CSMD1: variants seen among roughly 807,000 people sequenced by gnomAD.
CSMD1 encodes CUB and Sushi multiple domains 1.
In CSMD1, 213 loss-of-function variants were observed where a neutral mutation model predicts 417.5. The observed-to-expected ratio is 0.51, with a 90% CI of 0.46 to 0.57. The LOEUF (loss-of-function observed/expected upper bound fraction) is 0.57, where lower values mean the gene tolerates loss of function less well. Among genes scored for constraint, CSMD1 ranks in the 20% least tolerant of loss-of-function variants. The pLI, the probability that CSMD1 is intolerant of heterozygous loss-of-function variation, is 0.00. For missense variants in CSMD1, 6,923 were observed against 4,529.7 expected (o/e 1.53, Z -15.17); for synonymous variants, 2,862 against 1,736.8 (o/e 1.65, Z -16.11).
At chr8:4,206,712 G>A (rs1176453630) in intron 3 of CSMD1, among the ~76,000 whole-genome samples, 7 of 152,258 alleles carry the variant, frequency 4.6e-5, no homozygotes, top group Admixed American at 3.3e-4. Context: ...TAATGGGATG[G>A]CTGGGTCAAA....
intron 6 of CSMD1, among the ~76,000 whole-genome samples, chr8:3,737,614 A>T (rs892830971): frequency 3.3e-5 from 5 of 152,124 alleles, no homozygotes; most frequent in Admixed American, 1.3e-4. Flanking sequence ...TCACCCTCTC[A>T]GTTACTAAGC....
chr8:3,694,249 C>CATGT (rs1800422195), intron 7 of CSMD1, among the ~76,000 whole-genome samples: 1 of 152,008 alleles, frequency 6.6e-6, no homozygotes, highest in Non-Finnish European at 1.5e-5. Flanking sequence ...GTCATGGAGT[C>CATGT]CAGGAAGAGC....
chr8:3,911,539 A>C lies in CSMD1; in HGVS notation c.818+86364T>G, dbSNP rs554811241. On this transcript the variant is annotated intron_variant, in intron 5 of 69. Coordinates refer to ENST00000635120, the MANE Select transcript of CSMD1 (RefSeq NM_033225.6). ...CAAGACTCCGTCTCAAAATAAAAAAAAAAAAAAAAGAAGAAGAAGAAAACG... is the reference window on the plus strand; with the variant it reads ...CAAGACTCCGTCTCAAAATAAAAAACAAAAAAAAAGAAGAAGAAGAAAACG... Among the ~76,000 whole-genome samples, 4 of 151,786 alleles carry C rather than the reference A, an allele frequency of 2.6e-5. No homozygotes were observed. The East Asian group carries it at 5.8e-4, about 22-fold the overall frequency.
At chr8:4,484,002 C>G (rs368664427) in intron 2 of CSMD1, among the ~76,000 whole-genome samples, 3 of 152,070 alleles carry the variant, frequency 2.0e-5, no homozygotes, top group African/African-American at 4.8e-5. Context: ...GGAGAAACAT[C>G]CCATTGCCTG....
chr8:4,564,423 A>G (rs1798493667), intron 2 of CSMD1, among the ~76,000 whole-genome samples: 1 of 152,196 alleles, frequency 6.6e-6, no homozygotes, highest in Non-Finnish European at 1.5e-5. Flanking sequence ...TGGAAATTCA[A>G]GATCAAGGTG....
chr8:4,135,765 G>C (rs902366850), intron 3 of CSMD1, among the ~76,000 whole-genome samples: 1 of 152,070 alleles, frequency 6.6e-6, no homozygotes, highest in Non-Finnish European at 1.5e-5. Flanking sequence ...AAACTAGAAA[G>C]AGAAACTGAT....
intron 1 of CSMD1, among the ~76,000 whole-genome samples, chr8:4,810,587 C>A (rs908841417): frequency 6.6e-6 from 1 of 152,026 alleles, no homozygotes. Flanking sequence ...GGCTGTGTGT[C>A]TGTATAATTG....
At chr8:3,434,224 A>G (rs928244036) in intron 12 of CSMD1, among the ~76,000 whole-genome samples, 1 of 152,302 alleles carries the variant, frequency 6.6e-6, no homozygotes, top group Admixed American at 6.5e-5. Context: ...CTTTCAGAAT[A>G]TTACCTCTGT....
At chr8:3,781,718 T>C (rs1400244245) in intron 5 of CSMD1, among the ~76,000 whole-genome samples, 1 of 152,164 alleles carries the variant, frequency 6.6e-6, no homozygotes, top group Non-Finnish European at 1.5e-5. Context: ...GGTGTCCCCA[T>C]GTGAGGGGGC....
intron 42 of CSMD1, among the ~76,000 whole-genome samples, chr8:3,117,557 T>A (rs971699547): frequency 2.0e-5 from 3 of 152,178 alleles, no homozygotes; most frequent in Non-Finnish European, 1.5e-5. Flanking sequence ...GTATGTATAG[T>A]GTGAGAATAT....
chr8:4,787,481 T>C, intron 1 of CSMD1: 2 of 856,222 alleles, frequency 2.3e-6, no homozygotes, highest in South Asian at 1.4e-5. Flanking sequence ...AGCTGCAATC[T>C]CAAAGAAAAT....
chr8:3,550,212 T>C (rs9314498), intron 10 of CSMD1, among the ~76,000 whole-genome samples: 60,503 of 151,936 alleles, frequency 0.4, 12,384 homozygotes, highest in Non-Finnish European at 0.44. Flanking sequence ...TCAGCAGGCA[T>C]TCCAATGTCT....
chr8:3,619,245 C>T (rs1370806434), intron 7 of CSMD1, among the ~76,000 whole-genome samples: 1 of 152,108 alleles, frequency 6.6e-6, no homozygotes, highest in Non-Finnish European at 1.5e-5. Context: ...AGGACATGTA[C>T]CCCCCAAAAA....
intron 2 of CSMD1, among the ~76,000 whole-genome samples, chr8:4,428,902 A>G (rs1382442938): frequency 1.3e-5 from 2 of 151,926 alleles, no homozygotes; most frequent in Non-Finnish European, 2.9e-5. Context: ...TTTAACAGAG[A>G]CAGGGTTTCA....
chr8:4,412,816 G>C (rs573052275), intron 3 of CSMD1, among the ~76,000 whole-genome samples: 1 of 152,132 alleles, frequency 6.6e-6, no homozygotes, highest in South Asian at 2.1e-4. Context: ...ACTCACTCTA[G>C]GCCTGTATGT....
At chr8:3,208,005 T>C (rs575090740) in intron 30 of CSMD1, among the ~76,000 whole-genome samples, 3 of 152,280 alleles carry the variant, frequency 2.0e-5, no homozygotes, top group African/African-American at 4.8e-5. Context: ...ACCTTAACCA[T>C]GTGAAGTCAA....
rs182836364 is a variant in CSMD1, at chr8:3,690,357, A to G, written c.1009+18057T>C. ...GGTGACAGAACGAGACTCTGTCTCA[A>G]AACAAAACAAAACAAAAATTACCTG... On this transcript the variant is annotated intron_variant, in intron 7 of 69. Coordinates refer to ENST00000635120, the MANE Select transcript of CSMD1 (RefSeq NM_033225.6). Among the ~76,000 whole-genome samples the G allele has an allele frequency of 9.3e-4, 142 of 152,336 alleles. 5 individuals are homozygous for G. The South Asian group carries it at 0.029, about 31-fold the overall frequency.
intron 2 of CSMD1, among the ~76,000 whole-genome samples, chr8:4,535,940 CTT>C (rs1425904595): frequency 6.6e-6 from 1 of 152,060 alleles, no homozygotes; most frequent in South Asian, 2.1e-4. Flanking sequence ...AATTGAGAAA[CTT>C]AGATCTTAAC....
chr8:4,827,512 C>G (rs910920405), intron 1 of CSMD1, among the ~76,000 whole-genome samples: 3 of 152,146 alleles, frequency 2.0e-5, no homozygotes, highest in East Asian at 1.9e-4. Context: ...TCAAAATATT[C>G]TAAAATTTTC....
Sources: gnomAD v4.1 joint callset for allele counts (sites outside exome capture counted in the v4.1 genomes callset) on GRCh38, gnomAD v4.1.1 for gene constraint, MANE v1.5 for transcripts, NCBI Gene and HGNC (gene_info 2026-07-23, HGNC 2026-07-21) for gene names.